The following DSCAM variants were observed in gnomAD, a reference collection of about 807,000 sequenced individuals.
DSCAM encodes cell adhesion molecule DSCAM.
Under a neutral mutation model 217.7 loss-of-function variants are expected in DSCAM, and 47 were observed. The observed-to-expected ratio is 0.22, with a 90% CI of 0.17 to 0.28. The LOEUF (loss-of-function observed/expected upper bound fraction) is 0.28. Ranked by LOEUF, DSCAM falls within the 10% of genes least tolerant of loss-of-function variation. The probability of loss-of-function intolerance (pLI) is 1.00; values close to 1 mark genes in which losing one functional copy is unlikely to be tolerated. For missense variants in DSCAM, 2,080 were observed against 2,618.3 expected, an observed-to-expected ratio of 0.79 and a Z score of 4.49; for synonymous variants, 1,056 against 1,015.3, an observed-to-expected ratio of 1.04 and a Z score of -0.76.
intron 3 of DSCAM, among the ~76,000 whole-genome samples, chr21:40,527,181 C>T (rs2076407301): frequency 6.6e-6 from 1 of 152,120 alleles, no homozygotes; most frequent in Non-Finnish European, 1.5e-5. Flanking sequence ...TGCTTCCAGC[C>T]ACACTGCCTT....
At chr21:40,368,225 C>T (rs576421520) in intron 4 of DSCAM, among the ~76,000 whole-genome samples, 14 of 152,200 alleles carry the variant, frequency 9.2e-5, no homozygotes, top group Admixed American at 4.6e-4. Context: ...TTCTCTTTAA[C>T]ACAAAGAGGA....
At chr21:40,498,163 C>T (rs577801494) in intron 3 of DSCAM, among the ~76,000 whole-genome samples, 1 of 152,212 alleles carries the variant, frequency 6.6e-6, no homozygotes, top group African/African-American at 2.4e-5. Flanking sequence ...TGGCACAGTG[C>T]CTCCTTCACA....
intron 3 of DSCAM, among the ~76,000 whole-genome samples, chr21:40,567,192 C>T (rs1290926476): frequency 6.6e-6 from 1 of 152,196 alleles, no homozygotes; most frequent in Non-Finnish European, 1.5e-5. Flanking sequence ...TCATGGGCTC[C>T]AAAACGTATC....
chr21:40,293,583 A>T (rs59725054), intron 10 of DSCAM, among the ~76,000 whole-genome samples: 12,848 of 152,196 alleles, frequency 0.084, 1,240 homozygotes, highest in East Asian at 0.21. Flanking sequence ...GTACTACAAT[A>T]AACATTACAC....
chr21:40,069,206 C>G (rs1386428768), intron 27 of DSCAM, among the ~76,000 whole-genome samples: 1 of 152,014 alleles, frequency 6.6e-6, no homozygotes, highest in Non-Finnish European at 1.5e-5. Flanking sequence ...TAGTGAAGTA[C>G]TATGGAGAAG....
At chr21:40,243,683 A>G (rs2073184124) in intron 11 of DSCAM, among the ~76,000 whole-genome samples, 2 of 152,136 alleles carry the variant, frequency 1.3e-5, no homozygotes. Context: ...GCTCCTCCAC[A>G]CATTGTTTCA....
chr21:40,820,748 G>C (rs1289921323), intron 1 of DSCAM, among the ~76,000 whole-genome samples: 2 of 152,048 alleles, frequency 1.3e-5, no homozygotes, highest in African/African-American at 2.4e-5. Flanking sequence ...AGTGAATTTG[G>C]ATAAATCACC....
intron 3 of DSCAM, among the ~76,000 whole-genome samples, chr21:40,640,026 T>C (rs2089858425): frequency 6.6e-6 from 1 of 151,864 alleles, no homozygotes; most frequent in South Asian, 2.1e-4. Flanking sequence ...GCTAGCGCCA[T>C]GCACAGAATT....
At chr21:40,074,451 C>T (rs888953796) in intron 27 of DSCAM, among the ~76,000 whole-genome samples, 8 of 152,170 alleles carry the variant, frequency 5.3e-5, no homozygotes, top group Non-Finnish European at 7.4e-5. Flanking sequence ...CATCACAGAA[C>T]GACACGGGGC....
intron 3 of DSCAM, among the ~76,000 whole-genome samples, chr21:40,508,085 G>A (rs1313848847): frequency 6.6e-6 from 1 of 152,172 alleles, no homozygotes; most frequent in Non-Finnish European, 1.5e-5. Flanking sequence ...TTGTAGAGAA[G>A]GGGATGGAGT....
At chr21:40,407,755 G>A (rs1451139877) in intron 3 of DSCAM, among the ~76,000 whole-genome samples, 1 of 152,210 alleles carries the variant, frequency 6.6e-6, no homozygotes, top group African/African-American at 2.4e-5. Context: ...ACCCAGTCCA[G>A]GTGACAGCAT....
At chr21:40,585,881 A>G (rs2146233255) in intron 3 of DSCAM, among the ~76,000 whole-genome samples, 1 of 152,218 alleles carries the variant, frequency 6.6e-6, no homozygotes, top group Non-Finnish European at 1.5e-5. Flanking sequence ...TTTGAGATGG[A>G]ATTTCACTCT....
chr21:40,197,329 A>C (rs113963290), intron 11 of DSCAM, among the ~76,000 whole-genome samples: 8,780 of 152,140 alleles, frequency 0.058, 584 homozygotes, highest in African/African-American at 0.17. Context: ...CTTGTTAGCC[A>C]GGATGGTCTC....
At chr21:40,234,893 G>A (rs972043280) in intron 11 of DSCAM, among the ~76,000 whole-genome samples, 6 of 152,214 alleles carry the variant, frequency 3.9e-5, no homozygotes, top group South Asian at 2.1e-4. Context: ...CTTGGTCTCC[G>A]TCTAGCTCCA....
Position 40,508,736 on chromosome 21 carries a change from TA to T in DSCAM, c.509-139492del. ...GGTGCAAACCACCACACCCGGCAAA[TA>T]TATATATATATATATATATATATAT... On this transcript the variant is annotated intron_variant, in intron 3 of 32. Transcript: ENST00000400454. Among the ~76,000 whole-genome samples, 6 of 3,078 alleles carry T rather than the reference TA, an allele frequency of 1.9e-3. 1 individual carries two copies. The highest frequency in any genetic ancestry group is 0.011 in the Admixed American group (3 of 264). The allele number at this position is 3,078 out of a possible 152,430, so 2.0% of individuals were successfully genotyped here.
chr21:40,535,538 C>T (rs971792633), intron 3 of DSCAM, among the ~76,000 whole-genome samples: 3 of 152,198 alleles, frequency 2.0e-5, no homozygotes, highest in African/African-American at 2.4e-5. Flanking sequence ...ACTGTAGAGA[C>T]TCAACTAACT....
chr21:40,557,007 G>C (rs186753167), intron 3 of DSCAM, among the ~76,000 whole-genome samples: 91 of 152,180 alleles, frequency 6.0e-4, no homozygotes, highest in African/African-American at 2.2e-3. Context: ...GGTGGAAGGG[G>C]AGGCAGGAGA....
intron 3 of DSCAM, among the ~76,000 whole-genome samples, chr21:40,684,023 G>A (rs1044364466): frequency 2.0e-5 from 3 of 150,976 alleles, no homozygotes; most frequent in African/African-American, 7.3e-5. Flanking sequence ...TCAGGAGATC[G>A]AGACCATCCT....
At chr21:40,438,543 C>T (rs542709871) in intron 3 of DSCAM, among the ~76,000 whole-genome samples, 47 of 152,300 alleles carry the variant, frequency 3.1e-4, no homozygotes, top group African/African-American at 6.5e-4. Context: ...AATCATAGCA[C>T]GGCCTTGGCC....
Sources: gnomAD v4.1 joint callset for allele counts (sites outside exome capture counted in the v4.1 genomes callset) on GRCh38, gnomAD v4.1.1 for gene constraint, MANE v1.5 for transcripts, NCBI Gene and HGNC (gene_info 2026-07-23, HGNC 2026-07-21) for gene names.